ADAMTS13: variants seen among roughly 807,000 people sequenced by gnomAD.
The protein encoded by ADAMTS13 is A disintegrin and metalloproteinase with thrombospondin motifs 13.
ADAMTS13 carries 110 observed loss-of-function variants against 155.1 expected under a neutral mutation model. The ratio of observed to expected loss-of-function variants is 0.71; its 90% CI spans 0.61 to 0.83. ADAMTS13 has a LOEUF of 0.83. ADAMTS13 is among the 40% of genes least tolerant of loss of function. The pLI is 0.00. For synonymous variants in ADAMTS13, 758 were observed against 756.4 expected, an observed-to-expected ratio of 1.00 and a Z score of -0.03; for missense variants, 1,707 against 1,891.7, an observed-to-expected ratio of 0.90 and a Z score of 1.81.
rs78313371 is a variant in ADAMTS13 at position 133,429,740 on chromosome 9, C to T, written c.825-199C>T. ...GCCGCTCCCTCTGCTGGCCACCCAC[C>T]TCTGCGCCGGCAGGAGCCTTAGTCT... On this transcript the variant is annotated intron_variant, in intron 7 of 28. Transcript: ENST00000355699. 806 of 770,272 alleles carry T rather than the reference C, an allele frequency of 1.0e-3. 3 individuals carry two copies. The highest frequency in any genetic ancestry group is 1.3e-3 in the Non-Finnish European group (571 of 449,190). The allele number at this position is 770,272 out of a possible 1,614,324, so 47.7% of individuals were successfully genotyped here. A position where few individuals can be genotyped will look rare whatever the true frequency, so the allele number is the denominator to read the frequency against.
Position 133,440,576 on chromosome 9 carries a change from A to T in ADAMTS13, c.1968+51A>T. On this transcript the variant is annotated intron_variant, in intron 16 of 28. Coordinates refer to ENST00000355699, the MANE Select transcript of ADAMTS13 (RefSeq NM_139027.6). The surrounding 1 kb of genome is among the most constrained non-coding windows in gnomAD (Gnocchi z 4.3). ...CAGTGGGGGCTTCTTCTTGGGGGCT[A>T]TGGCTGCTTGCTCGTTTGTCTATCC... The T allele has an allele frequency of 6.6e-7, 1 of 1,516,456 alleles. No individual in the cohort carries two copies. Among genetic ancestry groups the T allele is most frequent in the Non-Finnish European group, 8.9e-7 (1 of 1,127,382 alleles). The allele number at this position is 1,516,456 out of a possible 1,614,324, so 93.9% of individuals were successfully genotyped here. A position where few individuals can be genotyped will look rare whatever the true frequency, so the allele number is the denominator to read the frequency against.
intron 19 of ADAMTS13, among the ~76,000 whole-genome samples, chr9:133,444,397 G>T (rs1841915776): frequency 6.6e-6 from 1 of 152,012 alleles, no homozygotes; most frequent in Non-Finnish European, 1.5e-5. Flanking sequence ...CTCTCACCCA[G>T]GCTGGTATGC....
intron 1 of ADAMTS13, chr9:133,415,139 A>G (rs1839499553): frequency 1.4e-6 from 1 of 717,478 alleles, no homozygotes; most frequent in Non-Finnish European, 2.2e-6. Flanking sequence ...TCCCATCCGC[A>G]TCACTGAAAT....
intron 1 of ADAMTS13, among the ~76,000 whole-genome samples, 195 bp downstream of exon 1, chr9:133,422,743 T>C (rs1167006029): frequency 1.6e-4 from 24 of 152,028 alleles, no homozygotes; most frequent in Admixed American, 1.6e-3. Context: ...CAGTACGACC[T>C]GCTCATTCGG....
intron 6 of ADAMTS13, among the ~76,000 whole-genome samples, chr9:133,427,028 C>T (rs1014728110): frequency 6.6e-6 from 1 of 152,206 alleles, no homozygotes; most frequent in Non-Finnish European, 1.5e-5. Flanking sequence ...GTCTCGAACT[C>T]CCAACCTCAG....
chr9:133,417,935 C>G, upstream of ADAMTS13: 2 of 1,286,068 alleles, frequency 1.6e-6, no homozygotes, highest in Non-Finnish European at 2.1e-6. Context: ...CCTGCCCAGG[C>G]CAGGCCGAAA....
At chr9:133,443,615 C>G in intron 19 of ADAMTS13, 54 bp downstream of exon 19, 1 of 1,472,026 alleles carries the variant, frequency 6.8e-7, no homozygotes, top group Non-Finnish European at 9.0e-7. Context: ...AGAGCTCGTC[C>G]CTGCGCTGAG....
rs782127630 is a variant in ADAMTS13, at chr9:133,425,999, A to C, written c.476A>C (p.Gln159Pro). ...SSLLSVCGWS[Q>P]TINPEDDTDP... is the part of the protein sequence containing the mutation. ...CTGCTGAGCGTCTGTGGGTGGAGCC[A>C]GACCATCAACCCTGAGGACGACACG... Residue 159 changes from glutamine to proline, a missense_variant, in exon 5 of 29, where the codon CAG (glutamine) becomes CCG (proline). Transcript: ENST00000355699. This position sits in a 1 kb window ranked among gnomAD's most constrained non-coding sequence, Gnocchi z 4.6. 3.1e-6 allele frequency: 5 copies of C among 1,614,032 alleles called. No individual in the cohort carries two copies. The highest frequency in any genetic ancestry group is 1.6e-4 in the Middle Eastern group (1 of 6,062).
At position 133,414,763 on chromosome 9, in the gene ADAMTS13, T is replaced by C. The variant is rs867900122; in HGVS notation, n.287+119T>C. 12 of 1,614,184 alleles carry C rather than the reference T, an allele frequency of 7.4e-6. 1 individual carries two copies. In the Middle Eastern group the frequency reaches 2.0e-3, roughly 266 times the overall value. On this transcript the variant is annotated intron_variant and non_coding_transcript_variant, in intron 1 of 17. Transcript: ENST00000485925. ...TATCACCATTTGTCCTTTCCTTGGT[T>C]CCTTTCTTATTGTGCTCTGTTCCAC...
chr9:133,449,779 C>T lies in ADAMTS13; in HGVS notation c.2862-4C>T. 1.2e-6 allele frequency: 2 copies of T among 1,613,796 alleles called. No individual in the cohort carries two copies. The highest frequency in any genetic ancestry group is 1.7e-6 in the Non-Finnish European group (2 of 1,180,028). On this transcript the variant is annotated splice_region_variant and splice_polypyrimidine_tract_variant and intron_variant, in intron 22 of 28. Coordinates refer to ENST00000355699, the MANE Select transcript of ADAMTS13 (RefSeq NM_139027.6). ...TTGGGGTCCCTGACTCCAGTTTGCTCCAGGTGGCAGTACAAGCTGGCGGCC... is the reference window on the plus strand; with the variant it reads ...TTGGGGTCCCTGACTCCAGTTTGCTTCAGGTGGCAGTACAAGCTGGCGGCC...
upstream of ADAMTS13, among the ~76,000 whole-genome samples, chr9:133,418,560 C>CA (rs1412929322): frequency 6.6e-6 from 1 of 152,186 alleles, no homozygotes; most frequent in Non-Finnish European, 1.5e-5. Context: ...CTCACGTCTC[C>CA]AAAAACCGAG....
chr9:133,436,519 A>G (rs782470698), intron 11 of ADAMTS13, among the ~76,000 whole-genome samples: 6 of 152,170 alleles, frequency 3.9e-5, no homozygotes, highest in Non-Finnish European at 7.4e-5. Context: ...CCTAAAGAAT[A>G]CACATCCCCG....
chr9:133,456,505 T>G lies in ADAMTS13; in HGVS notation c.3548-38T>G. Reference sequence around the variant, plus strand: ...GAGCCACTCCTCTGCTGACCAGGCGTGGGAGTGCTGGACCCTCACTGCCCT... The same window carrying G: ...GAGCCACTCCTCTGCTGACCAGGCGGGGGAGTGCTGGACCCTCACTGCCCT... On this transcript the variant is annotated intron_variant, in intron 26 of 28. Transcript: ENST00000355699. This position sits in a 1 kb window ranked among gnomAD's most constrained non-coding sequence, Gnocchi z 4.4. 6.2e-7 allele frequency: 1 copy of G among 1,607,994 alleles called. No homozygotes were observed. The highest frequency in any genetic ancestry group is 1.1e-5 in the South Asian group (1 of 90,006).
chr9:133,422,825 T>C (rs1432753005), intron 1 of ADAMTS13, among the ~76,000 whole-genome samples: 1 of 151,610 alleles, frequency 6.6e-6, no homozygotes, highest in Non-Finnish European at 1.5e-5. Context: ...TCCCTTCCTC[T>C]CCCTGTCTCT....
At position 133,424,128 on chromosome 9, in the gene ADAMTS13, C is replaced by T. The variant is rs782734719; in HGVS notation, c.173-193C>T. Among the ~76,000 whole-genome samples the T allele has an allele frequency of 6.6e-6, 1 of 152,246 alleles. No homozygotes were observed. Among genetic ancestry groups the T allele is most frequent in the Non-Finnish European group, 1.5e-5 (1 of 68,048 alleles). ...GGGGTGACCCAAAGCACACAATAGC[C>T]CAACAGCTCCTCCTGGGCCCTGCCC... On this transcript the variant is annotated intron_variant, in intron 2 of 28. Coordinates refer to ENST00000355699, the MANE Select transcript of ADAMTS13 (RefSeq NM_139027.6). This position sits in a 1 kb window ranked among gnomAD's most constrained non-coding sequence, Gnocchi z 4.3.
chr9:133,443,194 C>T (rs943757723), intron 18 of ADAMTS13, among the ~76,000 whole-genome samples, 182 bp from the exon 19 acceptor site: 5 of 152,194 alleles, frequency 3.3e-5, no homozygotes, highest in African/African-American at 9.7e-5. Context: ...GCTCACCAGC[C>T]TGTGATTCGG....
rs367701982 is a variant in ADAMTS13, at chr9:133,425,498, C to T, written c.331-31C>T. 68 of 1,599,720 alleles carry T rather than the reference C, an allele frequency of 4.3e-5. No individual in the cohort carries two copies. Among genetic ancestry groups the T allele is most frequent in the African/African-American group, 1.6e-4 (12 of 74,652 alleles). Reference sequence around the variant, plus strand: ...CCTGGGGCTGGCAATGCCCACCCGACGGGTTACCTCTCTCATCTGCCCTTG... The same window carrying T: ...CCTGGGGCTGGCAATGCCCACCCGATGGGTTACCTCTCTCATCTGCCCTTG... On this transcript the variant is annotated intron_variant, in intron 3 of 28. Transcript: ENST00000355699. This position sits in a 1 kb window ranked among gnomAD's most constrained non-coding sequence, Gnocchi z 4.6.
In ADAMTS13 at chr9:133,442,540, A is replaced by G. The variant is rs1554791138; in HGVS notation, c.2104+6A>G. 1 of 1,613,486 alleles carries G rather than the reference A, an allele frequency of 6.2e-7. No individual in the cohort carries two copies. The highest frequency in any genetic ancestry group is 1.7e-5 in the Admixed American group (1 of 60,028). Reference sequence around the variant, plus strand: ...CTCGGTGAGCTGTGGGGCAGGTGAGACCTGGGGAAGGCTCATCCACAGCAC... The same window carrying G: ...CTCGGTGAGCTGTGGGGCAGGTGAGGCCTGGGGAAGGCTCATCCACAGCAC... On this transcript the variant is annotated splice_donor_region_variant and intron_variant, in intron 17 of 28. Coordinates refer to ENST00000355699, the MANE Select transcript of ADAMTS13 (RefSeq NM_139027.6).
upstream of ADAMTS13, among the ~76,000 whole-genome samples, chr9:133,421,730 G>C (rs1554783219): frequency 6.6e-6 from 1 of 152,224 alleles, no homozygotes; most frequent in Non-Finnish European, 1.5e-5. Context: ...GGCCTGGCAG[G>C]AAGTGTAGGT....
Sources: gnomAD v4.1 joint callset for allele counts (sites outside exome capture counted in the v4.1 genomes callset) on GRCh38, gnomAD v4.1.1 for gene constraint, Gnocchi (gnomAD v3.1) non-coding constraint, MANE v1.5 for transcripts, NCBI Gene and HGNC (gene_info 2026-07-23, HGNC 2026-07-21) for gene names.